KIF1B: variants seen among roughly 807,000 people sequenced by gnomAD.
The protein encoded by KIF1B is kinesin family member 1B, also known as kinesin-like protein KIF1B.
A neutral mutation model predicts 241.9 loss-of-function variants in KIF1B; 76 were observed. The observed-to-expected ratio is 0.31, with a 90% CI of 0.26 to 0.38. The LOEUF is 0.38. Ranked by LOEUF, KIF1B falls within the 10% of genes least tolerant of loss-of-function variation. The probability of loss-of-function intolerance (pLI) is 1.00; values close to 1 mark genes in which losing one functional copy is unlikely to be tolerated. For synonymous variants in KIF1B, 750 were observed against 796.7 expected (o/e 0.94, Z 0.99); for missense variants, 1,622 against 2,271.4 (o/e 0.71, Z 5.81).
intron 31 of KIF1B, 52 bp from the exon 32 acceptor site, chr1:10,339,717 G>C: frequency 6.7e-7 from 1 of 1,485,132 alleles, no homozygotes; most frequent in Non-Finnish European, 9.3e-7. Context: ...AAGAGATTCT[G>C]ATAAAACCGT....
In KIF1B at chr1:10,374,208, G is replaced by A; in HGVS notation, c.4947-108G>A. On this transcript the variant is annotated intron_variant, in intron 45 of 48. Transcript: ENST00000676179. This position sits in a 1 kb window ranked among gnomAD's most constrained non-coding sequence, Gnocchi z 4.3. ...CTCTGCAACTCAAGTTTGCAGCTGG[G>A]GTTTAGGGAGGGCCATTGTGTTCCT... 1 of 1,196,690 alleles carries A rather than the reference G, an allele frequency of 8.4e-7. No individual in the cohort carries two copies. Among genetic ancestry groups the A allele is most frequent in the South Asian group, 1.2e-5 (1 of 81,796 alleles). 74.1% of individuals were successfully genotyped at this position (1,196,690 alleles called of 1,614,324 possible).
chr1:10,239,065 C>T (rs1647097843), intron 2 of KIF1B, among the ~76,000 whole-genome samples: 1 of 152,150 alleles, frequency 6.6e-6, no homozygotes, highest in African/African-American at 2.4e-5. Flanking sequence ...GCTCCCACCT[C>T]AGCCTCTCCA....
rs1012818959 is a variant in KIF1B at position 10,210,978 on chromosome 1, G to A, written c.-80+100G>A. 1 of 151,930 alleles carries A rather than the reference G, an allele frequency of 6.6e-6. No homozygotes were observed. Among genetic ancestry groups the A allele is most frequent in the African/African-American group, 2.4e-5 (1 of 41,400 alleles). The allele number at this position is 151,930 out of a possible 1,614,324, so 9.4% of individuals were successfully genotyped here. On this transcript the variant is annotated intron_variant, in intron 1 of 48. Coordinates refer to ENST00000676179, the MANE Select transcript of KIF1B (RefSeq NM_001365951.3). The surrounding 1 kb of genome is among the most constrained non-coding windows in gnomAD (Gnocchi z 4.1). ...GCGGCCGGGCCGGGGTCCGGGCGGG[G>A]TCTGAGGGGAGGTAGCGCGGGACGG... is the stretch of plus-strand genomic sequence containing the variant.
intron 35 of KIF1B, 80 bp downstream of exon 35, chr1:10,346,033 G>A (rs1453592820): frequency 2.2e-6 from 2 of 924,618 alleles, no homozygotes; most frequent in Non-Finnish European, 3.5e-6. Context: ...TCTTGTATTT[G>A]GGTTCATGAA....
chr1:10,272,400 TGGCC>T (rs1249415601), intron 9 of KIF1B, 94 bp downstream of exon 9: 5 of 862,454 alleles, frequency 5.8e-6, no homozygotes, highest in Non-Finnish European at 1.0e-5. Flanking sequence ...TGTCTTTTTG[TGGCC>T]CTTTTCTGTA....
chr1:10,243,333 C>CCCTGGGAG (rs1647164283), intron 2 of KIF1B, among the ~76,000 whole-genome samples: 1 of 152,162 alleles, frequency 6.6e-6, no homozygotes, highest in South Asian at 2.1e-4. Context: ...GTGGGAAGAA[C>CCCTGGGAG]GCTTAAACCT....
intron 10 of KIF1B, chr1:10,275,010 A>G (rs1246327268): frequency 3.0e-6 from 1 of 328,374 alleles, no homozygotes; most frequent in Admixed American, 4.6e-5. Context: ...TTTCTGTGTA[A>G]GAGAATGTTC....
At position 10,365,550 on chromosome 1, in the gene KIF1B, A is replaced by G. The variant is rs1638547209; in HGVS notation, c.4654A>G (p.Thr1552Ala). The part of the protein sequence containing the change: ...STSISSQIST[T>A]TFESAITPSE... ...CAGTATCTCCTCTCAGATCTCAACC[A>G]CTACCTTTGAAAGCGCCATCACACC... Residue 1552 changes from threonine (T) to alanine (A), a missense_variant, in exon 43 of 49, where the codon ACT becomes GCT. Thr to Ala is a moderately conservative substitution (Grantham distance 58, BLOSUM62 0). Around this residue, in one of 7 missense-constraint regions of KIF1B, gnomAD observed 357 missense variants for 409.0 expected, o/e 0.87. Transcript: ENST00000676179. This position sits in a 1 kb window ranked among gnomAD's most constrained non-coding sequence, Gnocchi z 4.0. 3 of 1,613,872 alleles carry G rather than the reference A, an allele frequency of 1.9e-6. No homozygotes were observed. The highest frequency in any genetic ancestry group is 1.7e-5 in the Admixed American group (1 of 59,970).
intron 15 of KIF1B, among the ~76,000 whole-genome samples, chr1:10,283,646 G>T (rs1649545915): frequency 6.6e-6 from 1 of 152,210 alleles, no homozygotes; most frequent in Non-Finnish European, 1.5e-5. Flanking sequence ...AGCATCATCT[G>T]CTTTGAAGCA....
In KIF1B at chr1:10,365,440, G is replaced by A. The variant is rs375130478; in HGVS notation, c.4544G>A (p.Arg1515His). The A allele has an allele frequency of 1.1e-5, 18 of 1,614,024 alleles. No homozygotes were observed. Among genetic ancestry groups the A allele is most frequent in the African/African-American group, 5.3e-5 (4 of 74,906 alleles). The change falls in exon 43 of 49, where the codon CGT becomes CAT. Residue 1515 changes from arginine (R) to histidine (H), a missense_variant. Transcript: ENST00000676179. The surrounding 1 kb of genome is among the most constrained non-coding windows in gnomAD (Gnocchi z 4.0). ...AAAACCCGCCACTTTTTGCTGCTGC[G>A]TGAGAGACTTGGTGACAGCATCCCC... ...VEKTRHFLLL[R>H]ERLGDSIPKS... is the part of the protein sequence containing the mutation.
chr1:10,371,282 T>G lies in KIF1B; in HGVS notation c.4946+20T>G. ...TCAGAAGTAAGTACCCAGATTTCACTGAGAGAAGTCAATCTAAGAACCAAG... is the reference window on the plus strand; with the variant it reads ...TCAGAAGTAAGTACCCAGATTTCACGGAGAGAAGTCAATCTAAGAACCAAG... On this transcript the variant is annotated intron_variant, in intron 45 of 48. Transcript: ENST00000676179. 2 of 1,613,890 alleles carry G rather than the reference T, an allele frequency of 1.2e-6. No individual in the cohort carries two copies. Among genetic ancestry groups the G allele is most frequent in the Non-Finnish European group, 1.7e-6 (2 of 1,179,786 alleles).
Position 10,337,525 on chromosome 1 carries a change from T to C in KIF1B, c.3414T>C (p.Cys1138=), listed in dbSNP as rs1338657803. The change falls in exon 31 of 49, where the codon TGT becomes TGC. Residue 1138 remains cysteine, a synonymous_variant. Coordinates refer to ENST00000676179, the MANE Select transcript of KIF1B (RefSeq NM_001365951.3). The surrounding 1 kb of genome is among the most constrained non-coding windows in gnomAD (Gnocchi z 4.0). ...TCCCAGAGTATGCAGATATCTTCTG[T>C]CAGTTCAAGTAAGCTGCCCCTTTGC... ...GILPEYADIF[C]QFNFLHRHDE... 1 of 1,614,232 alleles carries C rather than the reference T, an allele frequency of 6.2e-7. No individual in the cohort carries two copies. Among genetic ancestry groups the C allele is most frequent in the Non-Finnish European group, 8.5e-7 (1 of 1,180,040 alleles).
intron 22 of KIF1B, among the ~76,000 whole-genome samples, chr1:10,301,030 C>T (rs1236330956): frequency 1.3e-5 from 2 of 152,080 alleles, no homozygotes; most frequent in Non-Finnish European, 2.9e-5. Context: ...TAGAAAGTGA[C>T]TATACAGGCA....
intron 12 of KIF1B, among the ~76,000 whole-genome samples, chr1:10,277,302 A>G (rs1386503268): frequency 6.6e-6 from 1 of 151,930 alleles, no homozygotes; most frequent in East Asian, 1.9e-4. Flanking sequence ...AAAGAAAAAA[A>G]CAATTACCAA....
intron 44 of KIF1B, among the ~76,000 whole-genome samples, chr1:10,369,222 A>G (rs1029861963): frequency 6.6e-6 from 1 of 152,172 alleles, no homozygotes; most frequent in Non-Finnish European, 1.5e-5. Flanking sequence ...TGCTTTTTAA[A>G]GTGTTTGTTG....
chr1:10,307,697 G>A lies in KIF1B; in HGVS notation c.2115+10451G>A, dbSNP rs1472376537. 5 of 1,023,152 alleles carry A rather than the reference G, an allele frequency of 4.9e-6. No homozygotes were observed. In the African/African-American group the frequency reaches 8.5e-5, roughly 17 times the overall value. The allele number at this position is 1,023,152 out of a possible 1,614,324, so 63.4% of individuals were successfully genotyped here. ...TCATAATTTAAACCATTATTATATT[G>A]TTGAGGTATCCCTAGCTATTATTAT... On this transcript the variant is annotated intron_variant, in intron 22 of 48. Coordinates refer to ENST00000676179, the MANE Select transcript of KIF1B (RefSeq NM_001365951.3).
chr1:10,326,705 A>G lies in KIF1B; in HGVS notation c.2924+346A>G, dbSNP rs1054021554. ...AAACGTAGTGGGTTCAGTGAATAGT[A>G]TTATGGTCTAGATGTTTCCTTTTTA... On this transcript the variant is annotated intron_variant, in intron 27 of 48. Transcript: ENST00000676179. The surrounding 1 kb of genome is among the most constrained non-coding windows in gnomAD (Gnocchi z 5.2). 1.3e-5 allele frequency among the ~76,000 whole-genome samples: 2 copies of G among 152,206 alleles called. No homozygotes were observed. Among genetic ancestry groups the G allele is most frequent in the African/African-American group, 4.8e-5 (2 of 41,450 alleles).
At chr1:10,251,748 C>T (rs1251881312) in intron 2 of KIF1B, among the ~76,000 whole-genome samples, 2 of 151,230 alleles carry the variant, frequency 1.3e-5, no homozygotes, top group Admixed American at 1.3e-4. Flanking sequence ...AAAAAAAAAG[C>T]TTTATCATTT....
chr1:10,380,440 T>C lies in KIF1B; in HGVS notation c.*3853T>C. ...GAAAGATTCAACCGGGTGTGGTGGC[T>C]CACGCCTGTAATCCCAGCACATTGG... On this transcript the variant is annotated 3_prime_UTR_variant, in exon 49 of 49. Coordinates refer to ENST00000676179, the MANE Select transcript of KIF1B (RefSeq NM_001365951.3). The C allele has an allele frequency of 5.3e-6, 1 of 187,136 alleles. No homozygotes were observed. The highest frequency in any genetic ancestry group is 6.2e-5 in the Admixed American group (1 of 16,122). The allele number at this position is 187,136 out of a possible 1,614,324, so 11.6% of individuals were successfully genotyped here.
Sources: gnomAD v4.1 joint callset for allele counts (sites outside exome capture counted in the v4.1 genomes callset) on GRCh38, gnomAD v4.1.1 for gene constraint, gnomAD v4.1.1 regional missense constraint, Gnocchi (gnomAD v3.1) non-coding constraint, MANE v1.5 for transcripts, NCBI Gene and HGNC (gene_info 2026-07-23, HGNC 2026-07-21) for gene names.